Variants in PTPRD observed in about 807,000 individuals in gnomAD.
The protein encoded by PTPRD is receptor-type tyrosine-protein phosphatase delta.
In PTPRD, 34 loss-of-function variants were observed where a neutral mutation model predicts 214.5. That is an observed-to-expected ratio of 0.16 (90% CI 0.12 to 0.21). The LOEUF (loss-of-function observed/expected upper bound fraction) is 0.21. PTPRD is among the 10% of genes least tolerant of loss of function. PTPRD has a pLI of 1.00. For synonymous variants in PTPRD, 1,128 were observed against 845.7 expected, an observed-to-expected ratio of 1.33 and a Z score of -5.79; for missense variants, 2,545 against 2,398.7, an observed-to-expected ratio of 1.06 and a Z score of -1.27.
intron 36 of PTPRD, among the ~76,000 whole-genome samples, chr9:8,391,336 GT>G: frequency 6.6e-6 from 1 of 152,238 alleles, no homozygotes; most frequent in Non-Finnish European, 1.5e-5. Flanking sequence ...ACCAGCATTA[GT>G]TGAAAAGCCT....
intron 10 of PTPRD, among the ~76,000 whole-genome samples, chr9:9,085,781 T>C (rs1159005905): frequency 6.6e-6 from 1 of 152,086 alleles, no homozygotes; most frequent in African/African-American, 2.4e-5. Context: ...CCAAATGTTT[T>C]AAATGTTTTA....
chr9:9,570,022 T>C (rs976388911), intron 8 of PTPRD, among the ~76,000 whole-genome samples: 1 of 151,490 alleles, frequency 6.6e-6, no homozygotes, highest in Non-Finnish European at 1.5e-5. Flanking sequence ...ATTTTTCCCA[T>C]ATATTTTTTA....
intron 35 of PTPRD, among the ~76,000 whole-genome samples, chr9:8,422,073 G>T (rs945282103): frequency 1.4e-5 from 2 of 147,628 alleles, no homozygotes; most frequent in African/African-American, 5.0e-5. Flanking sequence ...CTGAGCCTGT[G>T]GAGGCAGAGG....
At chr9:8,932,324 C>G (rs13283247) in intron 11 of PTPRD, among the ~76,000 whole-genome samples, 18,160 of 152,182 alleles carry the variant, frequency 0.12, 1,595 homozygotes, top group East Asian at 0.44. Context: ...CTAAACACTG[C>G]TTTAGCTGTG....
chr9:9,273,758 C>T (rs887613950), intron 9 of PTPRD, among the ~76,000 whole-genome samples: 4 of 151,270 alleles, frequency 2.6e-5, no homozygotes, highest in African/African-American at 9.7e-5. Context: ...TAATGATTTG[C>T]ACAGGTGGAA....
At chr9:8,552,411 G>T (rs1026858124) in intron 14 of PTPRD, among the ~76,000 whole-genome samples, 2 of 152,070 alleles carry the variant, frequency 1.3e-5, no homozygotes, top group East Asian at 1.9e-4. Context: ...TTTTGGATTT[G>T]GTATCCACTT....
At chr9:9,815,653 A>G (rs1303996529) in intron 5 of PTPRD, among the ~76,000 whole-genome samples, 1 of 152,120 alleles carries the variant, frequency 6.6e-6, no homozygotes, top group African/African-American at 2.4e-5. Context: ...AGCAAGATAC[A>G]TATAGTGATG....
intron 10 of PTPRD, among the ~76,000 whole-genome samples, chr9:9,046,831 G>T (rs1417241444): frequency 6.6e-6 from 1 of 152,096 alleles, no homozygotes; most frequent in Non-Finnish European, 1.5e-5. Flanking sequence ...GGGAAAAACT[G>T]AAAGCCTTTC....
intron 7 of PTPRD, among the ~76,000 whole-genome samples, chr9:9,591,338 G>T (rs1370724433): frequency 6.6e-6 from 1 of 152,064 alleles, no homozygotes; most frequent in East Asian, 2.0e-4. Flanking sequence ...TGAAGAAAAT[G>T]GATCTGTGTC....
rs114680490 is a variant in PTPRD at position 9,164,700 on chromosome 9, G to C, written c.-143+18604C>G. Reference sequence around the variant, plus strand: ...TATTATGAAGAAATACAAAGTCCTAGACTGATTTCTTTTTTAAAAAATTTC... The same window carrying C: ...TATTATGAAGAAATACAAAGTCCTACACTGATTTCTTTTTTAAAAAATTTC... On this transcript the variant is annotated intron_variant, in intron 10 of 45. Transcript: ENST00000381196. 8.3e-3 allele frequency among the ~76,000 whole-genome samples: 1,267 copies of C among 152,084 alleles called. 14 individuals carry two copies. The highest frequency in any genetic ancestry group is 0.028 in the African/African-American group (1,182 of 41,488).
chr9:9,124,308 G>A (rs990431472), intron 10 of PTPRD, among the ~76,000 whole-genome samples: 5 of 152,088 alleles, frequency 3.3e-5, no homozygotes, highest in African/African-American at 1.2e-4. Context: ...ATATTAGTAA[G>A]ATTCTTTCTA....
At chr9:8,909,693 C>T (rs1020352500) in intron 11 of PTPRD, among the ~76,000 whole-genome samples, 5 of 151,710 alleles carry the variant, frequency 3.3e-5, no homozygotes, top group Admixed American at 1.3e-4. Flanking sequence ...GAAGCAAAGA[C>T]GTCTTTTATT....
At chr9:9,189,847 A>G (rs892735827) in intron 9 of PTPRD, among the ~76,000 whole-genome samples, 1 of 151,944 alleles carries the variant, frequency 6.6e-6, no homozygotes, top group South Asian at 2.1e-4. Context: ...TGATATTTCC[A>G]TTTCTCATCT....
chr9:8,481,803 G>C (rs1007551247), intron 30 of PTPRD, among the ~76,000 whole-genome samples: 5 of 136,026 alleles, frequency 3.7e-5, no homozygotes, highest in African/African-American at 5.7e-5. Context: ...TGTTTTTTGA[G>C]ACGGAGTATA....
At chr9:9,215,611 G>C (rs1294552887) in intron 9 of PTPRD, among the ~76,000 whole-genome samples, 1 of 152,128 alleles carries the variant, frequency 6.6e-6, no homozygotes, top group East Asian at 1.9e-4. Context: ...TTGTGGAGCT[G>C]AGGCACAGTG....
intron 10 of PTPRD, among the ~76,000 whole-genome samples, chr9:9,138,654 A>G (rs1364651799): frequency 6.6e-6 from 1 of 152,166 alleles, no homozygotes; most frequent in Non-Finnish European, 1.5e-5. Flanking sequence ...GTTTTAAGGT[A>G]CATTCTTTAA....
intron 7 of PTPRD, among the ~76,000 whole-genome samples, chr9:9,634,166 T>C (rs1309889839): frequency 6.6e-6 from 1 of 152,132 alleles, no homozygotes; most frequent in Non-Finnish European, 1.5e-5. Flanking sequence ...ATGATGCTCC[T>C]TACCAAATTA....
intron 8 of PTPRD, among the ~76,000 whole-genome samples, chr9:9,466,599 C>G (rs1007083377): frequency 8.5e-5 from 13 of 152,064 alleles, no homozygotes; most frequent in Non-Finnish European, 1.3e-4. Flanking sequence ...CATGAATGAC[C>G]AAGCCTTCCC....
At chr9:9,424,109 T>A (rs183728343) in intron 8 of PTPRD, among the ~76,000 whole-genome samples, 1 of 152,314 alleles carries the variant, frequency 6.6e-6, no homozygotes, top group Admixed American at 6.5e-5. Flanking sequence ...CAGTGACTAG[T>A]TGATGCAATG....
Sources: allele counts gnomAD v4.1 joint callset (sites outside exome capture counted in the v4.1 genomes callset), GRCh38; gene constraint gnomAD v4.1.1; transcripts MANE v1.5; gene names NCBI Gene and HGNC (gene_info 2026-07-23, HGNC 2026-07-21).